Variants in CSMD1 observed in about 807,000 individuals in gnomAD.
CSMD1 encodes the protein CUB and Sushi multiple domains 1.
A neutral mutation model predicts 417.5 loss-of-function variants in CSMD1; 213 were observed. The ratio of observed to expected loss-of-function variants is 0.51; its 90% confidence interval spans 0.46 to 0.57. The LOEUF is 0.57. Ranked by LOEUF, CSMD1 falls within the 20% of genes least tolerant of loss-of-function variation. The probability of loss-of-function intolerance (pLI) is 0.00; values close to 1 mark genes in which losing one functional copy is unlikely to be tolerated. For missense variants in CSMD1, 6,923 were observed against 4,529.7 expected, an observed-to-expected ratio of 1.53 and a Z score of -15.17; for synonymous variants, 2,862 against 1,736.8, an observed-to-expected ratio of 1.65 and a Z score of -16.11.
chr8:4,030,771 G>T (rs184415097), intron 4 of CSMD1, among the ~76,000 whole-genome samples: 25 of 152,144 alleles, frequency 1.6e-4, no homozygotes, highest in African/African-American at 6.0e-4. Context: ...CAAAGTTCAT[G>T]AACTTTTATG....
chr8:4,455,580 T>A (rs925256231), intron 2 of CSMD1, among the ~76,000 whole-genome samples: 1 of 152,066 alleles, frequency 6.6e-6, no homozygotes, highest in African/African-American at 2.4e-5. Flanking sequence ...TGAGATCAAA[T>A]TGACAAATTG....
At chr8:3,891,040 T>G (rs151324170) in intron 5 of CSMD1, among the ~76,000 whole-genome samples, 1 of 149,676 alleles carries the variant, frequency 6.7e-6, no homozygotes, top group Non-Finnish European at 1.5e-5. Flanking sequence ...GCTTTTTTGT[T>G]TTTTTTTTGT....
chr8:4,583,363 C>G (rs1475416673), intron 2 of CSMD1, among the ~76,000 whole-genome samples: 1 of 152,078 alleles, frequency 6.6e-6, no homozygotes, highest in East Asian at 1.9e-4. Context: ...AATCGGCATT[C>G]TGTATCTAGC....
At chr8:3,021,283 C>T (rs149264052) in intron 51 of CSMD1, among the ~76,000 whole-genome samples, 1 of 152,166 alleles carries the variant, frequency 6.6e-6, no homozygotes, top group Non-Finnish European at 1.5e-5. Context: ...AGTAATGGAG[C>T]AAAATTTTAG....
intron 23 of CSMD1, among the ~76,000 whole-genome samples, chr8:3,309,332 A>C (rs1805145864): frequency 7.3e-6 from 1 of 137,662 alleles, no homozygotes; most frequent in Non-Finnish European, 1.6e-5. Flanking sequence ...AAGAAAAAAA[A>C]ACTGGCGCTC....
chr8:3,581,001 G>C (rs1013669348), intron 9 of CSMD1, among the ~76,000 whole-genome samples: 1 of 152,114 alleles, frequency 6.6e-6, no homozygotes, highest in Non-Finnish European at 1.5e-5. Flanking sequence ...GCTCCAATTA[G>C]CTCACAGGTA....
At chr8:4,843,216 C>G (rs1329272964) in intron 1 of CSMD1, among the ~76,000 whole-genome samples, 1 of 152,134 alleles carries the variant, frequency 6.6e-6, no homozygotes, top group South Asian at 2.1e-4. Flanking sequence ...GAACAGGGCG[C>G]TTTCCTGCAT....
At chr8:3,318,083 G>C (rs985996213) in intron 23 of CSMD1, among the ~76,000 whole-genome samples, 2 of 152,188 alleles carry the variant, frequency 1.3e-5, no homozygotes, top group African/African-American at 2.4e-5. Flanking sequence ...TTACAAGCGT[G>C]ACCTATCACA....
At chr8:4,321,186 A>G (rs560047760) in intron 3 of CSMD1, among the ~76,000 whole-genome samples, 82 of 152,244 alleles carry the variant, frequency 5.4e-4, no homozygotes, top group Non-Finnish European at 7.1e-4. Context: ...ATCAAAGTGT[A>G]GGGTTCAACA....
At chr8:3,809,589 T>A (rs1800947747) in intron 5 of CSMD1, among the ~76,000 whole-genome samples, 4 of 152,080 alleles carry the variant, frequency 2.6e-5, no homozygotes, top group Admixed American at 2.6e-4. Context: ...TGTAGATAGT[T>A]GGCCCCACCT....
chr8:3,262,435 C>A (rs1028812193), intron 26 of CSMD1, among the ~76,000 whole-genome samples: 1 of 151,024 alleles, frequency 6.6e-6, no homozygotes, highest in Non-Finnish European at 1.5e-5. Context: ...TGACCATTCT[C>A]TTGGAATAAT....
intron 3 of CSMD1, among the ~76,000 whole-genome samples, chr8:4,133,173 T>G (rs747334535): frequency 6.6e-6 from 1 of 152,156 alleles, no homozygotes; most frequent in Non-Finnish European, 1.5e-5. Flanking sequence ...CCTGGCCTTG[T>G]GATCTGCCCA....
At chr8:3,677,650 T>C (rs922953499) in intron 7 of CSMD1, among the ~76,000 whole-genome samples, 2 of 152,172 alleles carry the variant, frequency 1.3e-5, no homozygotes, top group Non-Finnish European at 2.9e-5. Context: ...GCTATTGACA[T>C]GAAAAGATAT....
At chr8:3,984,767 G>T (rs1183806309) in intron 5 of CSMD1, among the ~76,000 whole-genome samples, 1 of 140,466 alleles carries the variant, frequency 7.1e-6, no homozygotes, top group Non-Finnish European at 1.5e-5. Flanking sequence ...ATGTATTTGT[G>T]CGTGTGTGTG....
intron 3 of CSMD1, among the ~76,000 whole-genome samples, chr8:4,206,223 C>G (rs1349729309): frequency 6.6e-6 from 1 of 152,020 alleles, no homozygotes; most frequent in Non-Finnish European, 1.5e-5. Flanking sequence ...ACTTTAAGTT[C>G]TAGAGTACAT....
At chr8:4,157,229 A>G (rs945783214) in intron 3 of CSMD1, among the ~76,000 whole-genome samples, 9 of 152,216 alleles carry the variant, frequency 5.9e-5, no homozygotes, top group African/African-American at 1.7e-4. Flanking sequence ...GAAGGAGTTT[A>G]TAAGAACACA....
intron 1 of CSMD1, 22 bp downstream of exon 1, chr8:4,994,310 G>T (rs1023232406): frequency 4.4e-6 from 7 of 1,604,468 alleles, no homozygotes; most frequent in Non-Finnish European, 5.9e-6. Flanking sequence ...CGCCTCCCCG[G>T]CCAGGAGCAA....
chr8:4,411,199 C>T (rs1796634434), intron 3 of CSMD1, among the ~76,000 whole-genome samples: 1 of 152,092 alleles, frequency 6.6e-6, no homozygotes, highest in Admixed American at 6.6e-5. Flanking sequence ...ATAAAATGAA[C>T]TAGGAAACCC....
chr8:3,760,131 A>G (rs1797911805), intron 5 of CSMD1, among the ~76,000 whole-genome samples: 1 of 152,136 alleles, frequency 6.6e-6, no homozygotes, highest in South Asian at 2.1e-4. Flanking sequence ...TAACAGGCTG[A>G]GAAAGGGTCT....
Sources: gnomAD v4.1 joint callset for allele counts (sites outside exome capture counted in the v4.1 genomes callset) on GRCh38, gnomAD v4.1.1 for gene constraint, MANE v1.5 for transcripts, NCBI Gene and HGNC (gene_info 2026-07-23, HGNC 2026-07-21) for gene names.